The following PHOX2B variants were observed in gnomAD, a reference collection of about 807,000 sequenced individuals.
PHOX2B encodes the protein paired mesoderm homeobox protein 2B.
PHOX2B carries 1 observed loss-of-function variant against 15.5 expected under a neutral mutation model. The ratio of observed to expected loss-of-function variants is 0.06; its 90% CI spans 0.02 to 0.31. PHOX2B has a LOEUF of 0.31. Ranked by LOEUF, PHOX2B falls within the 10% of genes least tolerant of loss-of-function variation. PHOX2B has a pLI of 1.00. For missense variants in PHOX2B, 314 were observed against 436.4 expected (o/e 0.72, Z 2.50); for synonymous variants, 206 against 190.5 (o/e 1.08, Z -0.67).
rs2153112744 is a variant in PHOX2B, at chr4:41,745,904, A to T, written c.848T>A (p.Ile283Asn). ...GAAGGGACCCCCAAGCGAATCCGGG[A>T]TGGAGGTGATGGGGCCGGGGCCGGG... ...WAPGPGPITS[I>N]PDSLGGPFAS... Residue 283 changes from isoleucine to asparagine, a missense_variant, in exon 3 of 3, where the codon ATC (isoleucine) becomes AAC (asparagine). By Grantham distance (149) the Ile-to-Asn change is moderately radical. Coordinates refer to ENST00000226382, the MANE Select transcript of PHOX2B (RefSeq NM_003924.4). This position sits in a 1 kb window ranked among gnomAD's most constrained non-coding sequence, Gnocchi z 4.0. 2 of 1,606,028 alleles carry T rather than the reference A, an allele frequency of 1.2e-6. No individual in the cohort carries two copies. Among genetic ancestry groups the T allele is most frequent in the Non-Finnish European group, 1.7e-6 (2 of 1,176,582 alleles).
At chr4:41,747,679 C>G in intron 1 of PHOX2B, 143 bp from the exon 2 acceptor site, 1 of 746,750 alleles carries the variant, frequency 1.3e-6, no homozygotes, top group African/African-American at 1.7e-5. Context: ...AGAGAAGCTG[C>G]GGGAAGAAAC....
Position 41,745,669 on chromosome 4 carries a change from G to A in PHOX2B, c.*138C>T. ...GCCGTTTTCCCTTTATTCTTAGCGC[G>A]ATTACTTTAGGCCCTCAATGAAAAA... On this transcript the variant is annotated 3_prime_UTR_variant, in exon 3 of 3. Coordinates refer to ENST00000226382, the MANE Select transcript of PHOX2B (RefSeq NM_003924.4). The surrounding 1 kb of genome is among the most constrained non-coding windows in gnomAD (Gnocchi z 4.0). The A allele has an allele frequency of 9.4e-7, 1 of 1,066,878 alleles. No individual in the cohort carries two copies. The highest frequency in any genetic ancestry group is 1.3e-6 in the Non-Finnish European group (1 of 767,448). 66.1% of individuals were successfully genotyped at this position (1,066,878 alleles called of 1,614,324 possible).
intron 1 of PHOX2B, 133 bp downstream of exon 1, chr4:41,748,236 TA>T: frequency 1.0e-6 from 1 of 992,410 alleles, no homozygotes; most frequent in Non-Finnish European, 1.5e-6. Flanking sequence ...TCTAACGTGA[TA>T]AATTCTTTCA....
chr4:41,746,933 G>A (rs1413833145), intron 2 of PHOX2B, among the ~76,000 whole-genome samples: 1 of 152,122 alleles, frequency 6.6e-6, no homozygotes, highest in African/African-American at 2.4e-5. Flanking sequence ...CACAGTTTCC[G>A]GGAAAATGAA....
intron 2 of PHOX2B, among the ~76,000 whole-genome samples, chr4:41,746,729 G>A (rs1733912745): frequency 6.6e-6 from 1 of 151,110 alleles, no homozygotes; most frequent in South Asian, 2.1e-4. Context: ...ATCCTCTCTG[G>A]GTTTGCTCCG....
chr4:41,746,244 C>A lies in PHOX2B; in HGVS notation c.508G>T (p.Gly170Cys), dbSNP rs775931264. 6.2e-7 allele frequency: 1 copy of A among 1,613,942 alleles called. No individual in the cohort carries two copies. The highest frequency in any genetic ancestry group is 8.5e-7 in the Non-Finnish European group (1 of 1,179,912). The change falls in exon 3 of 3, where the codon GGC becomes TGC. Residue 170 changes from glycine to cysteine, a missense_variant. By Grantham distance (159) the Gly-to-Cys change is radical. Transcript: ENST00000226382. ...AAAAAAAAKN[G>C]SSGKKSDSSR... ...GAGTCAGACTTTTTGCCCGAGGAGC[C>A]GTTCTTGGCCGCGGCCGCTGCGGCT...
rs953745494 is a variant in PHOX2B, at chr4:41,744,793, G to C, written c.*1014C>G. On this transcript the variant is annotated 3_prime_UTR_variant, in exon 3 of 3. Transcript: ENST00000226382. ...ATCCAAAGCAGTGCCAAAAAGTTCA[G>C]TAAAAGCTGGTGGAAGAAGAAAATG... 4.3e-6 allele frequency: 1 copy of C among 233,538 alleles called. No individual in the cohort carries two copies. The highest frequency in any genetic ancestry group is 5.6e-5 in the Admixed American group (1 of 17,768). The allele number at this position is 233,538 out of a possible 1,614,324, so 14.5% of individuals were successfully genotyped here.
intron 1 of PHOX2B, 79 bp downstream of exon 1, chr4:41,748,291 C>T (rs1733975856): frequency 6.6e-7 from 1 of 1,515,144 alleles, no homozygotes. Flanking sequence ...AACACATTTC[C>T]ATTTTCAAAT....
At chr4:41,748,327 C>G in intron 1 of PHOX2B, 43 bp downstream of exon 1, 1 of 1,610,034 alleles carries the variant, frequency 6.2e-7, no homozygotes, top group Non-Finnish European at 8.5e-7. Flanking sequence ...TATATACGGG[C>G]GGAAAGGCGG....
In PHOX2B at chr4:41,746,080, C is replaced by G. The variant is rs1348881057; in HGVS notation, c.672G>C (p.Pro224=). The G allele has an allele frequency of 6.6e-7, 1 of 1,503,776 alleles. No individual in the cohort carries two copies. Among genetic ancestry groups the G allele is most frequent in the East Asian group, 2.6e-5 (1 of 37,738 alleles). 93.2% of individuals were successfully genotyped at this position (1,503,776 alleles called of 1,614,324 possible). A position where few individuals can be genotyped will look rare whatever the true frequency, so the allele number is the denominator to read the frequency against. ...CCGGGCCCCCGGGCCCCGCCGCCCC[C>G]GGAGCTCCAGCCGGGCTGGGCCCGC... The part of the protein sequence containing the change: ...GGGGPSPAGA[P]GAAGPGGPGG... Residue 224 remains proline (P), a synonymous_variant, in exon 3 of 3, where the codon CCG becomes CCC. Coordinates refer to ENST00000226382, the MANE Select transcript of PHOX2B (RefSeq NM_003924.4).
chr4:41,744,696 A>T lies in PHOX2B; in HGVS notation c.*1111T>A, dbSNP rs902839590. 4 of 233,318 alleles carry T rather than the reference A, an allele frequency of 1.7e-5. No individual in the cohort carries two copies. Among genetic ancestry groups the T allele is most frequent in the Non-Finnish European group, 3.4e-5 (4 of 117,956 alleles). The allele number at this position is 233,318 out of a possible 1,614,324, so 14.5% of individuals were successfully genotyped here. A position where few individuals can be genotyped will look rare whatever the true frequency, so the allele number is the denominator to read the frequency against. ...AATGCAAACCGAGACACCCCTGCAA[A>T]CGTGTGTGTGTGCCTTTTCCTTGCT... On this transcript the variant is annotated 3_prime_UTR_variant, in exon 3 of 3. Coordinates refer to ENST00000226382, the MANE Select transcript of PHOX2B (RefSeq NM_003924.4).
chr4:41,745,111 G>A lies in PHOX2B; in HGVS notation c.*696C>T, dbSNP rs991730954. On this transcript the variant is annotated 3_prime_UTR_variant, in exon 3 of 3. Transcript: ENST00000226382. The surrounding 1 kb of genome is among the most constrained non-coding windows in gnomAD (Gnocchi z 4.0). ...CCCGAACCCAAGGACACGATAGGAA[G>A]GGGGGCTGGAACGGCGTCCCTACTC... The A allele has an allele frequency of 8.7e-6, 2 of 229,980 alleles. No individual in the cohort carries two copies. The highest frequency in any genetic ancestry group is 4.6e-5 in the African/African-American group (2 of 43,240). The allele number at this position is 229,980 out of a possible 1,614,324, so 14.2% of individuals were successfully genotyped here. A position where few individuals can be genotyped will look rare whatever the true frequency, so the allele number is the denominator to read the frequency against.
rs1733819502 is a variant in PHOX2B at position 41,744,357 on chromosome 4, T to TG, written c.*1449dup. 1 of 229,432 alleles carries TG rather than the reference T, an allele frequency of 4.4e-6. No homozygotes were observed. The allele number at this position is 229,432 out of a possible 1,614,324, so 14.2% of individuals were successfully genotyped here. A position where few individuals can be genotyped will look rare whatever the true frequency, so the allele number is the denominator to read the frequency against. On this transcript the variant is annotated 3_prime_UTR_variant, in exon 3 of 3. Transcript: ENST00000226382. ...CTCTAAACACAAAAGATTGAACCCG[T>TG]GAGAACCTTATTACACCATAAAGAC...
Position 41,745,564 on chromosome 4 carries a change from A to G in PHOX2B, c.*243T>C. Reference sequence around the variant, plus strand: ...CTGGCCCCGCTGCGAGGCCCCAGGCAGGTGCGAAGCCAGGGAAGTTTGTTT... The same window carrying G: ...CTGGCCCCGCTGCGAGGCCCCAGGCGGGTGCGAAGCCAGGGAAGTTTGTTT... On this transcript the variant is annotated 3_prime_UTR_variant, in exon 3 of 3. Coordinates refer to ENST00000226382, the MANE Select transcript of PHOX2B (RefSeq NM_003924.4). This position sits in a 1 kb window ranked among gnomAD's most constrained non-coding sequence, Gnocchi z 4.0. 2.1e-6 allele frequency: 1 copy of G among 479,630 alleles called. No individual in the cohort carries two copies. Among genetic ancestry groups the G allele is most frequent in the East Asian group, 4.0e-5 (1 of 25,008 alleles). 29.7% of individuals were successfully genotyped at this position (479,630 alleles called of 1,614,324 possible).
At position 41,745,912 on chromosome 4, in the gene PHOX2B, G is replaced by T; in HGVS notation, c.840C>A (p.Ile280=). 3 of 1,605,046 alleles carry T rather than the reference G, an allele frequency of 1.9e-6. No individual in the cohort carries two copies. Among genetic ancestry groups the T allele is most frequent in the South Asian group, 2.2e-5 (2 of 90,196 alleles). The change falls in exon 3 of 3, where the codon ATC becomes ATA. Residue 280 remains isoleucine (I), a synonymous_variant. Transcript: ENST00000226382. This position sits in a 1 kb window ranked among gnomAD's most constrained non-coding sequence, Gnocchi z 4.0. ...CCCCAAGCGAATCCGGGATGGAGGT[G>T]ATGGGGCCGGGGCCGGGAGCCCAGC... The part of the protein sequence containing the change: ...GQGWAPGPGP[I]TSIPDSLGGP...
chr4:41,745,904 A>G lies in PHOX2B; in HGVS notation c.848T>C (p.Ile283Thr). 6.2e-7 allele frequency: 1 copy of G among 1,606,028 alleles called. No individual in the cohort carries two copies. The highest frequency in any genetic ancestry group is 8.5e-7 in the Non-Finnish European group (1 of 1,176,582). Reference sequence around the variant, plus strand: ...GAAGGGACCCCCAAGCGAATCCGGGATGGAGGTGATGGGGCCGGGGCCGGG... The same window carrying G: ...GAAGGGACCCCCAAGCGAATCCGGGGTGGAGGTGATGGGGCCGGGGCCGGG... ...WAPGPGPITS[I>T]PDSLGGPFAS... Residue 283 changes from isoleucine (I) to threonine (T), a missense_variant, in exon 3 of 3, where the codon ATC becomes ACC. Coordinates refer to ENST00000226382, the MANE Select transcript of PHOX2B (RefSeq NM_003924.4). This position sits in a 1 kb window ranked among gnomAD's most constrained non-coding sequence, Gnocchi z 4.0.
intron 2 of PHOX2B, 94 bp from the exon 3 acceptor site, chr4:41,746,416 C>T: frequency 7.6e-7 from 1 of 1,315,232 alleles, no homozygotes; most frequent in Non-Finnish European, 1.1e-6. Flanking sequence ...AGTTCTACTT[C>T]GGCTTGTTTT....
Position 41,744,953 on chromosome 4 carries a change from T to C in PHOX2B, c.*854A>G. The C allele has an allele frequency of 4.3e-6, 1 of 233,026 alleles. No individual in the cohort carries two copies. Among genetic ancestry groups the C allele is most frequent in the Non-Finnish European group, 8.5e-6 (1 of 117,996 alleles). The allele number at this position is 233,026 out of a possible 1,614,324, so 14.4% of individuals were successfully genotyped here. A position where few individuals can be genotyped will look rare whatever the true frequency, so the allele number is the denominator to read the frequency against. On this transcript the variant is annotated 3_prime_UTR_variant, in exon 3 of 3. Transcript: ENST00000226382. ...GCCGAACGGCTGCAAAGATTCGGGG[T>C]TGGGAGTTGCAACTGTGTGGGGTTC...
intron 1 of PHOX2B, 171 bp from the exon 2 acceptor site, chr4:41,747,707 T>C: frequency 4.2e-6 from 3 of 711,038 alleles, no homozygotes; most frequent in Non-Finnish European, 7.6e-6. Flanking sequence ...ATTTGTTATC[T>C]GCGGAAACCT....
Sources: allele counts gnomAD v4.1 joint callset (sites outside exome capture counted in the v4.1 genomes callset), GRCh38; gene constraint gnomAD v4.1.1; non-coding constraint Gnocchi (gnomAD v3.1); transcripts MANE v1.5; gene names NCBI Gene and HGNC (gene_info 2026-07-23, HGNC 2026-07-21).